CTNNA3: variants seen among roughly 807,000 people sequenced by gnomAD.
The protein encoded by CTNNA3 is catenin alpha-3.
CTNNA3 carries 76 observed loss-of-function variants against 95.7 expected under a neutral mutation model. The observed-to-expected ratio is 0.79, with a 90% CI of 0.66 to 0.96. The LOEUF (loss-of-function observed/expected upper bound fraction) is 0.96, where lower values mean the gene tolerates loss of function less well. CTNNA3 is among the 40% of genes least tolerant of loss of function. The pLI is 0.00. For missense variants in CTNNA3, 1,191 were observed against 1,089.8 expected (o/e 1.09, Z -1.31); for synonymous variants, 431 against 374.4 (o/e 1.15, Z -1.74).
chr10:66,463,210 G>A (rs1392761828), intron 11 of CTNNA3, among the ~76,000 whole-genome samples: 1 of 152,096 alleles, frequency 6.6e-6, no homozygotes, highest in East Asian at 1.9e-4. Flanking sequence ...GAGTCATGGG[G>A]GCAGAACCTT....
intron 5 of CTNNA3, among the ~76,000 whole-genome samples, chr10:67,458,561 G>C (rs542010427): frequency 6.6e-6 from 1 of 152,070 alleles, no homozygotes. Flanking sequence ...AATCTCAAGG[G>C]AACAGAGAAA....
intron 11 of CTNNA3, among the ~76,000 whole-genome samples, chr10:66,388,498 A>G (rs915009560): frequency 3.3e-5 from 5 of 152,136 alleles, no homozygotes; most frequent in African/African-American, 1.2e-4. Context: ...GAATAAAAAT[A>G]TAGCAAGAAT....
intron 9 of CTNNA3, among the ~76,000 whole-genome samples, chr10:66,760,259 T>C (rs1589224289): frequency 6.6e-6 from 1 of 152,162 alleles, no homozygotes; most frequent in Non-Finnish European, 1.5e-5. Context: ...TCTCCAGATA[T>C]GTTACTGCCA....
chr10:67,468,408 GT>G (rs1242160950), intron 5 of CTNNA3, among the ~76,000 whole-genome samples: 1 of 152,000 alleles, frequency 6.6e-6, no homozygotes, highest in East Asian at 1.9e-4. Flanking sequence ...TAATTTAAAA[GT>G]TTTTTAAAAA....
At chr10:66,598,213 T>C (rs556710251) in intron 10 of CTNNA3, among the ~76,000 whole-genome samples, 7 of 152,198 alleles carry the variant, frequency 4.6e-5, no homozygotes, top group African/African-American at 1.7e-4. Flanking sequence ...TTTGACATTC[T>C]TTTTTGATAA....
intron 13 of CTNNA3, among the ~76,000 whole-genome samples, chr10:66,106,712 A>G (rs1055015546): frequency 6.6e-6 from 1 of 152,080 alleles, no homozygotes; most frequent in Non-Finnish European, 1.5e-5. Context: ...CCTCATCCCA[A>G]TATACACCTT....
At chr10:66,428,390 G>A (rs1193897091) in intron 11 of CTNNA3, among the ~76,000 whole-genome samples, 1 of 152,122 alleles carries the variant, frequency 6.6e-6, no homozygotes, top group Non-Finnish European at 1.5e-5. Context: ...ACTCAGCTCT[G>A]CACCAAGCAG....
At chr10:66,179,314 T>C (rs1564734858) in intron 13 of CTNNA3, among the ~76,000 whole-genome samples, 1 of 151,958 alleles carries the variant, frequency 6.6e-6, no homozygotes, top group African/African-American at 2.4e-5. Context: ...AAAGGCTATA[T>C]ACTGTATGAA....
At chr10:66,486,568 A>G (rs2131919328) in intron 11 of CTNNA3, among the ~76,000 whole-genome samples, 1 of 152,272 alleles carries the variant, frequency 6.6e-6, no homozygotes, top group South Asian at 2.1e-4. Context: ...CCATGGAAAA[A>G]CGGGAAGCTT....
chr10:65,983,414 A>G (rs1007367291), intron 16 of CTNNA3, among the ~76,000 whole-genome samples: 4 of 151,492 alleles, frequency 2.6e-5, no homozygotes, highest in Non-Finnish European at 5.9e-5. Context: ...TCCTTACCTT[A>G]TGAGATGTTA....
At chr10:67,385,053 C>T (rs1189980465) in intron 5 of CTNNA3, among the ~76,000 whole-genome samples, 1 of 151,000 alleles carries the variant, frequency 6.6e-6, no homozygotes, top group African/African-American at 2.4e-5. Context: ...TTTGTTGCTT[C>T]TTTCAATGTG....
chr10:66,053,178 G>A (rs544197613), intron 15 of CTNNA3, among the ~76,000 whole-genome samples: 1 of 151,596 alleles, frequency 6.6e-6, no homozygotes, highest in Admixed American at 6.6e-5. Context: ...CATTATCAGA[G>A]ATCACCTTTT....
At chr10:66,581,897 A>G (rs998802120) in intron 10 of CTNNA3, among the ~76,000 whole-genome samples, 1 of 151,710 alleles carries the variant, frequency 6.6e-6, no homozygotes, top group Non-Finnish European at 1.5e-5. Context: ...AGCACCCTTT[A>G]TTGAACAGAA....
At chr10:65,937,631 A>G (rs1369065051) in intron 17 of CTNNA3, among the ~76,000 whole-genome samples, 1 of 152,072 alleles carries the variant, frequency 6.6e-6, no homozygotes, top group East Asian at 1.9e-4. Flanking sequence ...ACCCTGTTGT[A>G]TTTTGCCCAT....
chr10:67,501,372 C>A (rs1839227360), intron 5 of CTNNA3, among the ~76,000 whole-genome samples: 1 of 152,322 alleles, frequency 6.6e-6, no homozygotes, highest in East Asian at 1.9e-4. Context: ...GTAACCCGAC[C>A]TTTCTCTCTG....
chr10:67,752,206 G>A lies in CTNNA3; in HGVS notation c.-2+11228C>T, dbSNP rs187399400. On this transcript the variant is annotated intron_variant, in intron 1 of 17. Coordinates refer to the CTNNA3 transcript ENST00000684154. ...ATAAATGTAATTCATCACATAAACA[G>A]AACTAAAGACAAAAGCCACACAATT... is the stretch of plus-strand genomic sequence containing the variant. Among the ~76,000 whole-genome samples, 545 of 152,204 alleles carry A rather than the reference G, an allele frequency of 3.6e-3. 4 individuals carry two copies. The highest frequency in any genetic ancestry group is 0.012 in the African/African-American group (518 of 41,544).
chr10:67,394,195 T>C (rs772837348), intron 5 of CTNNA3, among the ~76,000 whole-genome samples: 7 of 152,090 alleles, frequency 4.6e-5, no homozygotes, highest in Non-Finnish European at 8.8e-5. Context: ...TCTTCCCTCA[T>C]TCCCTAATCA....
At chr10:66,455,162 A>C (rs2093487942) in intron 11 of CTNNA3, among the ~76,000 whole-genome samples, 1 of 152,204 alleles carries the variant, frequency 6.6e-6, no homozygotes, top group Non-Finnish European at 1.5e-5. Flanking sequence ...ATCATACTTA[A>C]TGATAAAAGA....
chr10:66,218,033 T>C (rs905700606), intron 13 of CTNNA3, among the ~76,000 whole-genome samples: 2 of 152,198 alleles, frequency 1.3e-5, no homozygotes, highest in Admixed American at 6.5e-5. Context: ...CCAGCTCCTG[T>C]GTGGTGGCCT....
Sources: gnomAD v4.1 joint callset for allele counts (sites outside exome capture counted in the v4.1 genomes callset) on GRCh38, gnomAD v4.1.1 for gene constraint, MANE v1.5 for transcripts, NCBI Gene and HGNC (gene_info 2026-07-23, HGNC 2026-07-21) for gene names.